Variants in UBE2E2 observed in about 807,000 individuals in gnomAD.
UBE2E2 encodes ubiquitin-conjugating enzyme E2 E2.
In UBE2E2, 6 loss-of-function variants were observed where a neutral mutation model predicts 24.7. The ratio of observed to expected loss-of-function variants is 0.24; its 90% CI spans 0.13 to 0.48. The LOEUF (loss-of-function observed/expected upper bound fraction) is 0.48. UBE2E2 is among the 20% of genes least tolerant of loss of function. The pLI is 0.99. For synonymous variants in UBE2E2, 104 were observed against 83.6 expected, an observed-to-expected ratio of 1.24 and a Z score of -1.33; for missense variants, 169 against 245.0, an observed-to-expected ratio of 0.69 and a Z score of 2.07.
rs150473608 is a variant in UBE2E2 at position 23,250,933 on chromosome 3, C to T, written c.227+33621C>T. Among the ~76,000 whole-genome samples, 3 of 152,334 alleles carry T rather than the reference C, an allele frequency of 2.0e-5. No individual in the cohort carries two copies. The East Asian group carries it at 5.8e-4, about 29-fold the overall frequency. On this transcript the variant is annotated intron_variant, in intron 3 of 5. Coordinates refer to ENST00000396703, the MANE Select transcript of UBE2E2 (RefSeq NM_152653.4). ...CATGCACTAGCACCATTATAGCTCA[C>T]TGCAACCTTGAATTCCTGGGCTCAA...
At chr3:23,380,125 C>T (rs1336219343) in intron 3 of UBE2E2, among the ~76,000 whole-genome samples, 1 of 146,730 alleles carries the variant, frequency 6.8e-6, no homozygotes, top group Non-Finnish European at 1.5e-5. Context: ...GCGAACTTCT[C>T]TATTGGAAAT....
chr3:23,300,415 C>T (rs1319581966), intron 3 of UBE2E2, among the ~76,000 whole-genome samples: 1 of 152,190 alleles, frequency 6.6e-6, no homozygotes, highest in Non-Finnish European at 1.5e-5. Context: ...TTTGCAGTGG[C>T]TGGTACCGGT....
intron 3 of UBE2E2, among the ~76,000 whole-genome samples, chr3:23,414,325 A>T (rs375663587): frequency 6.6e-6 from 1 of 152,172 alleles, no homozygotes; most frequent in East Asian, 1.9e-4. Context: ...TCATCTGTCT[A>T]TGTGAGCTGG....
intron 5 of UBE2E2, among the ~76,000 whole-genome samples, chr3:23,560,911 G>T (rs1361911918): frequency 6.6e-6 from 1 of 152,014 alleles, no homozygotes. Context: ...TTTTTGATGG[G>T]GTTGTTTGTT....
At chr3:23,428,465 C>CT (rs1697981242) in intron 3 of UBE2E2, among the ~76,000 whole-genome samples, 1 of 152,038 alleles carries the variant, frequency 6.6e-6, no homozygotes, top group South Asian at 2.1e-4. Context: ...AATCAGTAAT[C>CT]TAAGCTTCTA....
At chr3:23,262,736 T>G (rs1330672747) in intron 3 of UBE2E2, among the ~76,000 whole-genome samples, 4 of 152,332 alleles carry the variant, frequency 2.6e-5, no homozygotes, top group East Asian at 3.9e-4. Context: ...GTTGATTGGT[T>G]CCTTTGTTAT....
intron 3 of UBE2E2, among the ~76,000 whole-genome samples, chr3:23,260,046 C>T (rs1697854502): frequency 1.3e-5 from 2 of 152,112 alleles, no homozygotes; most frequent in Admixed American, 1.3e-4. Context: ...TCTGACATCC[C>T]TGGTTTATCT....
chr3:23,558,863 C>T lies in UBE2E2; in HGVS notation c.508+26162C>T, dbSNP rs772679434. Among the ~76,000 whole-genome samples, 43 of 152,082 alleles carry T rather than the reference C, an allele frequency of 2.8e-4. 1 individual carries two copies. Among genetic ancestry groups the T allele is most frequent in the Non-Finnish European group, 2.5e-4 (17 of 68,010 alleles). On this transcript the variant is annotated intron_variant, in intron 5 of 5. Transcript: ENST00000396703. ...TCCCTTGAGCCCAGGAGCTCAAAGA[C>T]CAACCTGGGCAACATAGCAAGACCC... is the stretch of plus-strand genomic sequence containing the variant.
chr3:23,343,950 T>C (rs567902386), intron 3 of UBE2E2, among the ~76,000 whole-genome samples: 3 of 152,380 alleles, frequency 2.0e-5, no homozygotes, highest in South Asian at 2.1e-4. Context: ...TCTATGTTTA[T>C]GGGTAGTTCT....
In UBE2E2 at chr3:23,373,873, C is replaced by G. The variant is rs138495996; in HGVS notation, c.228-125735C>G. Among the ~76,000 whole-genome samples, 98 of 152,154 alleles carry G rather than the reference C, an allele frequency of 6.4e-4. 5 individuals are homozygous for G. The East Asian group carries it at 0.015, about 24-fold the overall frequency. ...GTCCATGGGAATTGTGTAACAAAAG[C>G]CCCAAATGTAAACATATGTCATTAA... is the stretch of plus-strand genomic sequence containing the variant. On this transcript the variant is annotated intron_variant, in intron 3 of 5. Coordinates refer to ENST00000396703, the MANE Select transcript of UBE2E2 (RefSeq NM_152653.4).
chr3:23,258,413 C>T (rs904310410), intron 3 of UBE2E2, among the ~76,000 whole-genome samples: 11 of 152,110 alleles, frequency 7.2e-5, no homozygotes, highest in African/African-American at 1.9e-4. Context: ...TTCGTATCAA[C>T]GGACTTTAGT....
intron 3 of UBE2E2, chr3:23,323,576 A>G: frequency 2.2e-6 from 1 of 452,308 alleles, no homozygotes. Context: ...TGGATTTTGG[A>G]TGCCCACTAG....
intron 3 of UBE2E2, among the ~76,000 whole-genome samples, chr3:23,436,502 A>G (rs949611182): frequency 6.6e-6 from 1 of 151,828 alleles, no homozygotes; most frequent in South Asian, 2.1e-4. Flanking sequence ...ACATTTGAAG[A>G]TTTGTTTTCC....
intron 3 of UBE2E2, among the ~76,000 whole-genome samples, chr3:23,424,068 C>G (rs938042847): frequency 6.6e-6 from 1 of 152,124 alleles, no homozygotes; most frequent in Non-Finnish European, 1.5e-5. Flanking sequence ...TCTCTTCAAG[C>G]TTTTGTTCCC....
chr3:23,539,546 G>A (rs1695340747), intron 5 of UBE2E2, among the ~76,000 whole-genome samples: 2 of 152,110 alleles, frequency 1.3e-5, no homozygotes, highest in South Asian at 2.1e-4. Context: ...TCATCTTCAT[G>A]TATCTTTTCC....
chr3:23,304,820 G>A (rs1214058267), intron 3 of UBE2E2, among the ~76,000 whole-genome samples: 2 of 151,876 alleles, frequency 1.3e-5, no homozygotes, highest in Admixed American at 6.6e-5. Flanking sequence ...CCTTAATACC[G>A]GGTATGCATA....
At chr3:23,300,814 A>G (rs1200964274) in intron 3 of UBE2E2, among the ~76,000 whole-genome samples, 1 of 151,984 alleles carries the variant, frequency 6.6e-6, no homozygotes, top group Non-Finnish European at 1.5e-5. Context: ...ATATTTCCTG[A>G]ATCTGAATGT....
At chr3:23,325,561 A>C (rs1309184814) in intron 3 of UBE2E2, among the ~76,000 whole-genome samples, 1 of 152,162 alleles carries the variant, frequency 6.6e-6, no homozygotes, top group Non-Finnish European at 1.5e-5. Flanking sequence ...TCTTTTCTTG[A>C]GTTTTAAAGT....
intron 5 of UBE2E2, among the ~76,000 whole-genome samples, chr3:23,573,809 G>A (rs1334634182): frequency 6.6e-6 from 1 of 151,992 alleles, no homozygotes; most frequent in African/African-American, 2.4e-5. Flanking sequence ...ACGCCAATAT[G>A]GGTTACTATT....
Sources: gnomAD v4.1 joint callset for allele counts (sites outside exome capture counted in the v4.1 genomes callset) on GRCh38, gnomAD v4.1.1 for gene constraint, MANE v1.5 for transcripts, NCBI Gene and HGNC (gene_info 2026-07-23, HGNC 2026-07-21) for gene names.